Variants in ZFHX3 observed in about 807,000 individuals in gnomAD.
ZFHX3 encodes zinc finger homeobox protein 3.
ZFHX3 carries 42 observed loss-of-function variants against 279.1 expected under a neutral mutation model. The observed-to-expected ratio is 0.15, with a 90% CI of 0.12 to 0.19. The LOEUF (loss-of-function observed/expected upper bound fraction) is 0.19, where lower values mean the gene tolerates loss of function less well. Among genes scored for constraint, ZFHX3 ranks in the 10% least tolerant of loss-of-function variants. The pLI is 1.00. For missense variants in ZFHX3, 4,981 were observed against 4,754.0 expected (o/e 1.05, Z -1.40); for synonymous variants, 2,293 against 1,957.8 (o/e 1.17, Z -4.52).
intron 2 of ZFHX3, among the ~76,000 whole-genome samples, chr16:73,577,778 C>T (rs542544704): frequency 4.6e-5 from 7 of 152,254 alleles, no homozygotes; most frequent in African/African-American, 1.7e-4. Flanking sequence ...TTGTTTTCTC[C>T]TTATGTTCCG....
chr16:73,142,335 T>C (rs554840828), intron 6 of ZFHX3, among the ~76,000 whole-genome samples: 1 of 152,254 alleles, frequency 6.6e-6, no homozygotes, highest in South Asian at 2.1e-4. Flanking sequence ...TTAATATATA[T>C]CTAGAGAAAT....
chr16:73,885,123 G>A (rs1200251739), intron 1 of ZFHX3, among the ~76,000 whole-genome samples: 3 of 152,066 alleles, frequency 2.0e-5, no homozygotes, highest in African/African-American at 7.2e-5. Flanking sequence ...AAAGAGTTTG[G>A]GGTGGACTGG....
intron 5 of ZFHX3, among the ~76,000 whole-genome samples, chr16:73,145,224 C>G (rs1966857915): frequency 6.6e-6 from 1 of 152,144 alleles, no homozygotes; most frequent in Non-Finnish European, 1.5e-5. Flanking sequence ...CCAGAGAGCC[C>G]TGCTCGGTCC....
At chr16:73,420,613 A>C (rs1460501983) in intron 3 of ZFHX3, 2 of 151,570 alleles carry the variant, frequency 1.3e-5, no homozygotes, top group African/African-American at 2.5e-5. Context: ...ATATACTTGA[A>C]GGCAGTCAAA....
intron 1 of ZFHX3, among the ~76,000 whole-genome samples, chr16:73,871,731 C>A (rs938633003): frequency 6.6e-6 from 1 of 151,870 alleles, no homozygotes; most frequent in Non-Finnish European, 1.5e-5. Context: ...ATCAATCCCT[C>A]TTTAAAAAAA....
chr16:73,354,589 C>G (rs1597298179), intron 3 of ZFHX3, among the ~76,000 whole-genome samples: 1 of 152,210 alleles, frequency 6.6e-6, no homozygotes, highest in Admixed American at 6.5e-5. Flanking sequence ...ATTTGACCTC[C>G]TCCCCAGTCC....
intron 1 of ZFHX3, among the ~76,000 whole-genome samples, chr16:72,990,132 C>T (rs1307245909): frequency 6.6e-6 from 1 of 152,094 alleles, no homozygotes; most frequent in African/African-American, 2.4e-5. Flanking sequence ...CTCAGCCAGT[C>T]AAAAGAGGGA....
intron 1 of ZFHX3, among the ~76,000 whole-genome samples, chr16:73,754,364 A>T (rs1163454310): frequency 3.3e-5 from 5 of 152,130 alleles, no homozygotes; most frequent in African/African-American, 7.2e-5. Context: ...AGAATTCTGT[A>T]CTGAAACCCA....
chr16:73,044,604 T>C (rs75429451), intron 1 of ZFHX3, among the ~76,000 whole-genome samples: 1 of 36,192 alleles, frequency 2.8e-5, no homozygotes, highest in African/African-American at 2.8e-4. Context: ...AGGTGAGTGT[T>C]TGTTTGTTTG....
chr16:73,669,933 C>T (rs1452678396), intron 2 of ZFHX3, among the ~76,000 whole-genome samples: 1 of 152,158 alleles, frequency 6.6e-6, no homozygotes, highest in African/African-American at 2.4e-5. Context: ...GTCCCTTTAA[C>T]CTAGGGAACT....
In ZFHX3 at chr16:73,265,078, CGTGTGT is replaced by C. The variant is rs72075949; in HGVS notation, c.-1193-7948_-1193-7943del. 3.1e-3 allele frequency among the ~76,000 whole-genome samples: 454 copies of C among 145,966 alleles called. 4 individuals carry two copies. The highest frequency in any genetic ancestry group is 0.019 in the Admixed American group (284 of 14,612). On this transcript the variant is annotated intron_variant, in intron 4 of 17. Transcript: ENST00000641206. The stretch of plus-strand genomic sequence containing the variant: ...ATAATAGCACCTCAGCGCATATATG[CGTGTGT>C]GTGTGTGTGTGTGTGTGTGTGTGTG...
intron 4 of ZFHX3, among the ~76,000 whole-genome samples, chr16:72,859,157 T>C (rs1455202307): frequency 6.6e-6 from 1 of 152,154 alleles, no homozygotes; most frequent in African/African-American, 2.4e-5. Context: ...TTCATCTTTG[T>C]TTTTTCTTTT....
intron 1 of ZFHX3, among the ~76,000 whole-genome samples, chr16:73,710,129 G>C (rs2053344453): frequency 6.6e-6 from 1 of 152,164 alleles, no homozygotes; most frequent in African/African-American, 2.4e-5. Context: ...GTTGCAGTGA[G>C]TTGTGCCATT....
intron 2 of ZFHX3, among the ~76,000 whole-genome samples, chr16:73,659,422 C>T (rs1287260234): frequency 6.6e-6 from 1 of 151,680 alleles, no homozygotes; most frequent in African/African-American, 2.4e-5. Context: ...GATTAGAAGC[C>T]ACGTACAATT....
intron 4 of ZFHX3, among the ~76,000 whole-genome samples, chr16:73,271,832 C>T (rs2014153363): frequency 6.6e-6 from 1 of 152,158 alleles, no homozygotes; most frequent in Non-Finnish European, 1.5e-5. Context: ...CTTCACTGGC[C>T]ACATTGCTGA....
intron 1 of ZFHX3, among the ~76,000 whole-genome samples, chr16:73,685,113 C>G (rs1159305734): frequency 6.6e-6 from 1 of 151,878 alleles, no homozygotes; most frequent in Non-Finnish European, 1.5e-5. Flanking sequence ...CTTCCAGGTT[C>G]AAGTGATTCC....
chr16:72,794,307 A>T lies in ZFHX3; in HGVS notation c.8375T>A (p.Met2792Lys). 1 of 1,610,184 alleles carries T rather than the reference A, an allele frequency of 6.2e-7. No homozygotes were observed. The highest frequency in any genetic ancestry group is 8.5e-7 in the Non-Finnish European group (1 of 1,177,784). ...GVPLSPVSKT[M>K]ELSPRTLLSP... is the part of the protein sequence containing the mutation. ...TAGAAGAGTTCTGGGTGACAATTCCATGGTTTTACTCACAGGTGAGAGGGG... is the reference window on the plus strand; with the variant it reads ...TAGAAGAGTTCTGGGTGACAATTCCTTGGTTTTACTCACAGGTGAGAGGGG... The change falls in exon 9 of 10, where the codon ATG (methionine) becomes AAG (lysine). Residue 2792 changes from methionine to lysine, a missense_variant. Transcript: ENST00000268489. This position sits in a 1 kb window ranked among gnomAD's most constrained non-coding sequence, Gnocchi z 4.2.
chr16:73,390,400 G>C (rs1419533841), intron 3 of ZFHX3, among the ~76,000 whole-genome samples: 2 of 152,160 alleles, frequency 1.3e-5, no homozygotes, highest in Admixed American at 1.3e-4. Context: ...GGAGCAGCAG[G>C]CACAGGCACA....
intron 2 of ZFHX3, among the ~76,000 whole-genome samples, chr16:73,603,960 G>A (rs1472096635): frequency 1.3e-5 from 2 of 151,710 alleles, no homozygotes; most frequent in African/African-American, 2.4e-5. Flanking sequence ...TGTATTTCCA[G>A]TAGAGATAGT....
Sources: gnomAD v4.1 joint callset for allele counts (sites outside exome capture counted in the v4.1 genomes callset) on GRCh38, gnomAD v4.1.1 for gene constraint, Gnocchi (gnomAD v3.1) non-coding constraint, MANE v1.5 for transcripts, NCBI Gene and HGNC (gene_info 2026-07-23, HGNC 2026-07-21) for gene names.